HOOK3: variants seen among roughly 807,000 people sequenced by gnomAD.
The protein encoded by HOOK3 is protein Hook homolog 3.
Under a neutral mutation model 116.3 loss-of-function variants are expected in HOOK3, and 24 were observed. The ratio of observed to expected loss-of-function variants is 0.21; its 90% CI spans 0.15 to 0.29. HOOK3 has a LOEUF of 0.29. Ranked by LOEUF, HOOK3 falls within the 10% of genes least tolerant of loss-of-function variation. The pLI is 1.00. For missense variants in HOOK3, 632 were observed against 830.2 expected, an observed-to-expected ratio of 0.76 and a Z score of 2.93; for synonymous variants, 275 against 283.0, an observed-to-expected ratio of 0.97 and a Z score of 0.28.
intron 11 of HOOK3, among the ~76,000 whole-genome samples, chr8:42,970,669 T>TGCA (rs1387333447): frequency 6.6e-6 from 1 of 152,192 alleles, no homozygotes; most frequent in Non-Finnish European, 1.5e-5. Context: ...TGAATGAAAT[T>TGCA]GACTTTTATA....
At chr8:42,946,916 A>G (rs1478650826) in intron 5 of HOOK3, among the ~76,000 whole-genome samples, 1 of 151,534 alleles carries the variant, frequency 6.6e-6, no homozygotes, top group African/African-American at 2.4e-5. Context: ...TTACAGGTGC[A>G]CGTGCCACCA....
At chr8:42,898,829 A>T (rs534169289) in intron 1 of HOOK3, among the ~76,000 whole-genome samples, 2 of 152,364 alleles carry the variant, frequency 1.3e-5, no homozygotes, top group African/African-American at 4.8e-5. Context: ...TCATACGCCT[A>T]ACCGTCCAAA....
intron 2 of HOOK3, among the ~76,000 whole-genome samples, chr8:42,913,616 C>G (rs1380181215): frequency 6.6e-6 from 1 of 152,142 alleles, no homozygotes; most frequent in Admixed American, 6.5e-5. Flanking sequence ...CTTCAGTTTC[C>G]CTTGGGTTTA....
chr8:42,964,278 A>G (rs1163568006), intron 8 of HOOK3, 33 bp from the exon 9 acceptor site: 2 of 1,609,990 alleles, frequency 1.2e-6, no homozygotes, highest in East Asian at 2.2e-5. Context: ...TGTAGTTGGA[A>G]GAAATAACTG....
intron 6 of HOOK3, among the ~76,000 whole-genome samples, chr8:42,952,103 A>T (rs1344040454): frequency 6.6e-6 from 1 of 152,210 alleles, no homozygotes; most frequent in Non-Finnish European, 1.5e-5. Flanking sequence ...CAGACTGCCC[A>T]CAGTTCAGAC....
At position 43,013,209 on chromosome 8, in the gene HOOK3, G is replaced by A. The variant is rs1233336245; in HGVS notation, c.1944+54G>A. Reference sequence around the variant, plus strand: ...ATTGTGTTTTGATTTTAATGTTTTGGGAGCCTTGTTATATTTTACAATTGT... The same window carrying A: ...ATTGTGTTTTGATTTTAATGTTTTGAGAGCCTTGTTATATTTTACAATTGT... On this transcript the variant is annotated intron_variant, in intron 20 of 21. Transcript: ENST00000307602. 5 of 1,453,056 alleles carry A rather than the reference G, an allele frequency of 3.4e-6. No homozygotes were observed. The African/African-American group carries it at 7.1e-5, about 21-fold the overall frequency. The allele number at this position is 1,453,056 out of a possible 1,614,324, so 90.0% of individuals were successfully genotyped here. A position where few individuals can be genotyped will look rare whatever the true frequency, so the allele number is the denominator to read the frequency against.
intron 2 of HOOK3, among the ~76,000 whole-genome samples, chr8:42,907,468 C>T (rs1212545675): frequency 1.3e-5 from 2 of 152,122 alleles, no homozygotes; most frequent in Non-Finnish European, 2.9e-5. Context: ...CATTGGGAAC[C>T]TGGCCTGCCC....
intron 2 of HOOK3, among the ~76,000 whole-genome samples, chr8:42,918,007 A>G (rs367791032): frequency 6.6e-6 from 1 of 152,322 alleles, no homozygotes; most frequent in African/African-American, 2.4e-5. Context: ...AAACACTAAA[A>G]TTTGCTAGTA....
At chr8:42,997,808 ACT>A in intron 16 of HOOK3, 171 bp downstream of exon 16, 1 of 558,704 alleles carries the variant, frequency 1.8e-6, no homozygotes, top group Non-Finnish European at 3.2e-6. Flanking sequence ...ACCAGATAGT[ACT>A]TTATTGTCTC....
intron 17 of HOOK3, among the ~76,000 whole-genome samples, chr8:43,006,757 G>A (rs186346138): frequency 6.2e-4 from 95 of 152,184 alleles, no homozygotes; most frequent in Admixed American, 2.8e-3. Flanking sequence ...TATTGAGAAA[G>A]AAAAAGGTTT....
At chr8:43,012,763 C>A in intron 19 of HOOK3, among the ~76,000 whole-genome samples, 1 of 151,994 alleles carries the variant, frequency 6.6e-6, no homozygotes, top group East Asian at 1.9e-4. Flanking sequence ...CCACACCCAG[C>A]TAATTTTTTA....
chr8:42,897,721 G>A (rs576074046), intron 1 of HOOK3, among the ~76,000 whole-genome samples: 3 of 152,382 alleles, frequency 2.0e-5, no homozygotes, highest in Admixed American at 6.5e-5. Context: ...GGAGGTGTCT[G>A]GGCGTCAACA....
At chr8:42,981,871 G>A (rs562142918) in intron 13 of HOOK3, among the ~76,000 whole-genome samples, 22 of 132,258 alleles carry the variant, frequency 1.7e-4, no homozygotes, top group Middle Eastern at 4.0e-3. Context: ...GCGACAGAGT[G>A]AGACTCTGTC....
At chr8:42,912,630 A>G (rs1807452831) in intron 2 of HOOK3, among the ~76,000 whole-genome samples, 1 of 152,012 alleles carries the variant, frequency 6.6e-6, no homozygotes, top group African/African-American at 2.4e-5. Context: ...TTTTTAAAAT[A>G]TCAGCAAGAA....
Position 42,906,129 on chromosome 8 carries a change from G to A in HOOK3, c.58-44G>A, listed in dbSNP as rs761666022. 1.9e-5 allele frequency: 20 copies of A among 1,044,866 alleles called. 1 individual carries two copies. The South Asian group carries it at 2.5e-4, about 13-fold the overall frequency. The allele number at this position is 1,044,866 out of a possible 1,614,324, so 64.7% of individuals were successfully genotyped here. Reference sequence around the variant, plus strand: ...AAGGCCTAAGAAATTTTCTACAGAGGTAACCACAGAATCTCTCCCCCCCCC... The same window carrying A: ...AAGGCCTAAGAAATTTTCTACAGAGATAACCACAGAATCTCTCCCCCCCCC... On this transcript the variant is annotated intron_variant, in intron 1 of 21. Coordinates refer to ENST00000307602, the MANE Select transcript of HOOK3 (RefSeq NM_032410.4).
chr8:42,967,182 G>C (rs1808646693), intron 10 of HOOK3, among the ~76,000 whole-genome samples: 1 of 152,010 alleles, frequency 6.6e-6, no homozygotes, highest in Non-Finnish European at 1.5e-5. Flanking sequence ...TCTGAGCTGG[G>C]TTCTTCCCAA....
intron 19 of HOOK3, among the ~76,000 whole-genome samples, chr8:43,011,815 G>T (rs1427713091): frequency 6.6e-6 from 1 of 152,202 alleles, no homozygotes; most frequent in Non-Finnish European, 1.5e-5. Flanking sequence ...GTGGTTCAAG[G>T]CTGCAGTGGG....
intron 1 of HOOK3, 25 bp from the exon 2 acceptor site, chr8:42,906,148 C>A (rs371480707): frequency 5.9e-6 from 6 of 1,016,658 alleles, no homozygotes; most frequent in African/African-American, 1.7e-5. Flanking sequence ...GAATCTCTCC[C>A]CCCCCCCTCT....
intron 17 of HOOK3, among the ~76,000 whole-genome samples, chr8:43,005,214 A>ATAATTTT (rs1809459430): frequency 9.3e-4 from 59 of 63,176 alleles, no homozygotes; most frequent in East Asian, 1.6e-3. Context: ...TATATATATA[A>ATAATTTT]TTTTTTTTTT....
Sources: allele counts gnomAD v4.1 joint callset (sites outside exome capture counted in the v4.1 genomes callset), GRCh38; gene constraint gnomAD v4.1.1; transcripts MANE v1.5; gene names NCBI Gene and HGNC (gene_info 2026-07-23, HGNC 2026-07-21).